DMD: variants seen among roughly 807,000 people sequenced by gnomAD.
DMD encodes mutant dystrophin.
A neutral mutation model predicts 330.1 loss-of-function variants in DMD; 63 were observed. The ratio of observed to expected loss-of-function variants is 0.19; its 90% confidence interval spans 0.16 to 0.24. DMD has a LOEUF of 0.24. Among genes scored for constraint, DMD ranks in the 10% least tolerant of loss-of-function variants. The probability of loss-of-function intolerance (pLI) is 1.00; values close to 1 mark genes in which losing one functional copy is unlikely to be tolerated. For synonymous variants in DMD, 1,223 were observed against 959.8 expected, an observed-to-expected ratio of 1.27 and a Z score of -5.07; for missense variants, 3,344 against 2,684.1, an observed-to-expected ratio of 1.25 and a Z score of -5.43.
intron 67 of DMD, among the ~76,000 whole-genome samples, chrX:31,198,689 T>C (rs1009033014): frequency 2.7e-5 from 3 of 112,430 alleles, no homozygotes; most frequent in African/African-American, 9.7e-5. Flanking sequence ...GTAATGCGAA[T>C]TTTTCAGTTC....
intron 52 of DMD, among the ~76,000 whole-genome samples, chrX:31,715,821 C>G (rs1254313686): frequency 1.8e-5 from 2 of 111,122 alleles, no homozygotes; most frequent in Non-Finnish European, 3.8e-5. Flanking sequence ...TGGGTTTCTT[C>G]TGGCTTTTTG....
At chrX:31,310,225 A>ATATATG (rs1556481824) in intron 62 of DMD, among the ~76,000 whole-genome samples, 73 of 89,328 alleles carry the variant, frequency 8.2e-4, no homozygotes, top group African/African-American at 3.3e-3. Context: ...ATATATATAT[A>ATATATG]TGTGTGTGTG....
intron 60 of DMD, among the ~76,000 whole-genome samples, chrX:31,407,385 C>T (rs2061442887): frequency 1.8e-5 from 2 of 109,877 alleles, no homozygotes; most frequent in African/African-American, 3.3e-5. Context: ...AGGCTGGTCT[C>T]GAATTCCTGA....
In DMD at chrX:31,903,194, TA is replaced by T. The variant is rs753107611; in HGVS notation, c.6912+26401del. 2.6e-4 allele frequency among the ~76,000 whole-genome samples: 29 copies of T among 112,127 alleles called. No homozygotes were observed. In the South Asian group the frequency reaches 7.0e-3, roughly 27 times the overall value. On this transcript the variant is annotated intron_variant, in intron 47 of 78. Coordinates refer to ENST00000357033, the MANE Select transcript of DMD (RefSeq NM_004006.3). ...TTGTCACTTCAACCTGTACTCAATA[TA>T]AAAAGTACCAATGAGATATTTTATT...
At chrX:31,721,387 G>T (rs777581511) in intron 52 of DMD, among the ~76,000 whole-genome samples, 1 of 110,173 alleles carries the variant, frequency 9.1e-6, no homozygotes, top group East Asian at 2.9e-4. Context: ...ATGTGGGTGG[G>T]CCTTCTCCAA....
intron 2 of DMD, chrX:32,960,359 A>G (rs1463040777): frequency 9.0e-6 from 1 of 111,551 alleles, no homozygotes; most frequent in East Asian, 2.8e-4. Flanking sequence ...TGAACAAAAA[A>G]CACTAACATA....
chrX:33,061,087 G>C (rs184839152), intron 1 of DMD, among the ~76,000 whole-genome samples: 2 of 112,132 alleles, frequency 1.8e-5, no homozygotes, highest in Admixed American at 1.9e-4. Flanking sequence ...TGGAAATGCT[G>C]TTCTAGACTC....
At chrX:32,329,225 G>T (rs1033855844) in intron 41 of DMD, among the ~76,000 whole-genome samples, 1 of 112,141 alleles carries the variant, frequency 8.9e-6, no homozygotes, top group African/African-American at 3.2e-5. Context: ...AATATTAGAA[G>T]GGAAACGTCT....
In DMD at chrX:32,405,859, C is replaced by T. The variant is rs147645034; in HGVS notation, c.4233+5893G>A. Among the ~76,000 whole-genome samples the T allele has an allele frequency of 2.7e-3, 305 of 111,678 alleles. 1 individual carries two copies. Among genetic ancestry groups the T allele is most frequent in the Non-Finnish European group, 3.8e-3 (201 of 53,082 alleles). On this transcript the variant is annotated intron_variant, in intron 30 of 78. Coordinates refer to ENST00000357033, the MANE Select transcript of DMD (RefSeq NM_004006.3). The stretch of plus-strand genomic sequence containing the variant: ...ACCTTGGGCAGTATGGCCATTTTCA[C>T]GATATTGACACTTCCTACCCATGAG...
At chrX:32,740,481 A>G (rs1441207006) in intron 7 of DMD, among the ~76,000 whole-genome samples, 1 of 110,848 alleles carries the variant, frequency 9.0e-6, no homozygotes, top group African/African-American at 3.3e-5. Context: ...TAAATAAGAG[A>G]GGAGAAAGAA....
chrX:31,787,850 C>T (rs900243041), intron 50 of DMD, among the ~76,000 whole-genome samples: 4 of 111,606 alleles, frequency 3.6e-5, no homozygotes, highest in Non-Finnish European at 7.5e-5. Context: ...CCCAGAAGTG[C>T]GACAACTACC....
At chrX:32,127,643 C>A (rs548580279) in intron 44 of DMD, among the ~76,000 whole-genome samples, 1 of 111,599 alleles carries the variant, frequency 9.0e-6, no homozygotes, top group African/African-American at 3.2e-5. Flanking sequence ...CTGTTTTTAC[C>A]TCTTTAATAT....
chrX:33,147,289 TA>T (rs199709315), intron 1 of DMD, among the ~76,000 whole-genome samples: 2,492 of 111,633 alleles, frequency 0.022, 81 homozygotes, highest in African/African-American at 0.077. Flanking sequence ...TTTAAATGTA[TA>T]GGGGGATCAA....
chrX:32,538,657 T>G, intron 17 of DMD, among the ~76,000 whole-genome samples: 1 of 111,012 alleles, frequency 9.0e-6, no homozygotes, highest in Middle Eastern at 4.6e-3. Flanking sequence ...GACAAGACAC[T>G]CCAGTGAACT....
At chrX:31,499,065 G>C (rs1443525604) in intron 56 of DMD, among the ~76,000 whole-genome samples, 1 of 111,827 alleles carries the variant, frequency 8.9e-6, no homozygotes, top group Non-Finnish European at 1.9e-5. Context: ...AGAGTGAAAA[G>C]AGGCTGTCAA....
At chrX:31,648,305 C>T (rs1019072215) in intron 54 of DMD, among the ~76,000 whole-genome samples, 1 of 110,525 alleles carries the variant, frequency 9.0e-6, no homozygotes, top group African/African-American at 3.3e-5. Context: ...ATAGAAGAAA[C>T]ATCCAAACAC....
chrX:32,056,328 C>T (rs144371370), intron 44 of DMD, among the ~76,000 whole-genome samples: 1,360 of 50,841 alleles, frequency 0.027, 32 homozygotes, highest in African/African-American at 0.092. Context: ...GAAAAATCAA[C>T]AAAGCTAAGA....
At chrX:32,413,711 T>G (rs1230253361) in intron 29 of DMD, among the ~76,000 whole-genome samples, 1 of 72,071 alleles carries the variant, frequency 1.4e-5, no homozygotes, top group Admixed American at 1.4e-4. Flanking sequence ...AGCTCTATTC[T>G]TTTTTTTTTT....
At chrX:32,484,527 T>A (rs1338659196) in intron 21 of DMD, among the ~76,000 whole-genome samples, 1 of 112,280 alleles carries the variant, frequency 8.9e-6, no homozygotes, top group East Asian at 2.8e-4. Context: ...ACTCTTCAGA[T>A]AAATTGACAG....
Sources: allele counts gnomAD v4.1 joint callset (sites outside exome capture counted in the v4.1 genomes callset), GRCh38; gene constraint gnomAD v4.1.1; transcripts MANE v1.5; gene names NCBI Gene and HGNC (gene_info 2026-07-23, HGNC 2026-07-21).